PHLPP2: variants seen among roughly 807,000 people sequenced by gnomAD.
PHLPP2 encodes the protein PH domain and leucine rich repeat protein phosphatase 2, also known as PH domain leucine-rich repeat-containing protein phosphatase 2.
Under a neutral mutation model 124.9 loss-of-function variants are expected in PHLPP2, and 66 were observed. The observed-to-expected ratio is 0.53, with a 90% CI of 0.43 to 0.65. The LOEUF (loss-of-function observed/expected upper bound fraction) is 0.65, where lower values mean the gene tolerates loss of function less well. Among genes scored for constraint, PHLPP2 ranks in the 30% least tolerant of loss-of-function variants. PHLPP2 has a pLI of 0.00. For missense variants in PHLPP2, 1,685 were observed against 1,600.4 expected (o/e 1.05, Z -0.90); for synonymous variants, 681 against 624.7 (o/e 1.09, Z -1.34).
chr16:71,652,463 T>C (rs368128546), intron 18 of PHLPP2, among the ~76,000 whole-genome samples: 17 of 152,352 alleles, frequency 1.1e-4, no homozygotes, highest in Admixed American at 9.1e-4. Context: ...AGAGAACTCT[T>C]TCTTCTATTT....
intron 3 of PHLPP2, among the ~76,000 whole-genome samples, chr16:71,698,205 A>G (rs1272011858): frequency 2.0e-5 from 3 of 152,176 alleles, no homozygotes; most frequent in Admixed American, 6.5e-5. Flanking sequence ...AAGCCCTCAC[A>G]AGAGCAGGGC....
chr16:71,668,237 C>CCGTT (rs1483719793), intron 11 of PHLPP2, among the ~76,000 whole-genome samples: 1 of 151,264 alleles, frequency 6.6e-6, no homozygotes, highest in Non-Finnish European at 1.5e-5. Flanking sequence ...CGGTGAAACC[C>CCGTT]CGTTCTCTAC....
At chr16:71,657,746 CAG>C (rs1223185049) in intron 15 of PHLPP2, among the ~76,000 whole-genome samples, 1 of 152,076 alleles carries the variant, frequency 6.6e-6, no homozygotes, top group African/African-American at 2.4e-5. Context: ...GATTCATTTC[CAG>C]AGAGACTGAT....
At chr16:71,698,532 G>A (rs2045197002) in intron 3 of PHLPP2, 1 of 698,520 alleles carries the variant, frequency 1.4e-6, no homozygotes, top group Non-Finnish European at 2.6e-6. Context: ...ACTGGGGATA[G>A]CACAAAGTCA....
At chr16:71,709,582 T>C (rs2045310300) in intron 2 of PHLPP2, among the ~76,000 whole-genome samples, 1 of 152,246 alleles carries the variant, frequency 6.6e-6, no homozygotes, top group Non-Finnish European at 1.5e-5. Context: ...ACACTAAGCT[T>C]CACTAGTGAG....
At chr16:71,685,211 C>A (rs2045043654) in intron 4 of PHLPP2, among the ~76,000 whole-genome samples, 1 of 152,170 alleles carries the variant, frequency 6.6e-6, no homozygotes, top group Admixed American at 6.5e-5. Flanking sequence ...CCTGTAATCC[C>A]AGCTACTTGG....
At chr16:71,712,389 TCACA>T (rs2145380853) in intron 2 of PHLPP2, among the ~76,000 whole-genome samples, 1 of 152,338 alleles carries the variant, frequency 6.6e-6, no homozygotes, top group East Asian at 1.9e-4. Context: ...AAATAAACTA[TCACA>T]TTCGGATTCT....
intron 7 of PHLPP2, among the ~76,000 whole-genome samples, 182 bp from the exon 8 acceptor site, chr16:71,679,167 C>T (rs2145337125): frequency 6.6e-6 from 1 of 152,212 alleles, no homozygotes; most frequent in East Asian, 1.9e-4. Flanking sequence ...ACAAATGGTC[C>T]CTCCAACATT....
rs755742471 is a variant in PHLPP2, at chr16:71,649,179, T to C, written c.3683A>G (p.Lys1228Arg). Reference sequence around the variant, plus strand: ...ATAGAGGCAGGAGGTGGAGGGAGACTTCTGTAACTCCATCCTGTCCTTGCT... The same window carrying C: ...ATAGAGGCAGGAGGTGGAGGGAGACCTCTGTAACTCCATCCTGTCCTTGCT... The part of the protein sequence containing the change: ...PMSKDRMELQ[K>R]SPSTSCLYGK... Residue 1228 changes from lysine (K) to arginine (R), a missense_variant, in exon 19 of 19, where the codon AAG (lysine) becomes AGG (arginine). Physicochemically the swap from Lys to Arg is conservative, Grantham distance 26 (BLOSUM62 2). Coordinates refer to ENST00000568954, the MANE Select transcript of PHLPP2 (RefSeq NM_015020.3). 1 of 1,614,094 alleles carries C rather than the reference T, an allele frequency of 6.2e-7. No individual in the cohort carries two copies. Among genetic ancestry groups the C allele is most frequent in the Admixed American group, 1.7e-5 (1 of 60,016 alleles).
At chr16:71,671,774 C>T (rs889783549) in intron 10 of PHLPP2, among the ~76,000 whole-genome samples, 2 of 151,708 alleles carry the variant, frequency 1.3e-5, no homozygotes, top group Non-Finnish European at 2.9e-5. Flanking sequence ...ATTAGCCAGG[C>T]GTGGTGGTGG....
At position 71,690,533 on chromosome 16, in the gene PHLPP2, G is replaced by C. The variant is rs776662245; in HGVS notation, c.595C>G (p.Leu199Val). The C allele has an allele frequency of 1.2e-6, 2 of 1,605,582 alleles. No individual in the cohort carries two copies. The highest frequency in any genetic ancestry group is 1.7e-5 in the Admixed American group (1 of 58,548). The change falls in exon 4 of 19, where the codon CTG (leucine) becomes GTG (valine). Residue 199 changes from leucine (L) to valine (V), a missense_variant. Leu to Val is a conservative substitution (Grantham distance 32). Transcript: ENST00000568954. ...GTGAGTCTTACCTTTCCACCAACCAGAGGCAAAATGTGCATCTTTCCAGTT... is the reference window on the plus strand; with the variant it reads ...GTGAGTCTTACCTTTCCACCAACCACAGGCAAAATGTGCATCTTTCCAGTT... Reference protein sequence around the residue: ...CQTGKMHILPLVGGKIEEVKR... With the variant: ...CQTGKMHILPVVGGKIEEVKR...
Position 71,646,025 on chromosome 16 carries a change from G to C in PHLPP2, c.*2865C>G, listed in dbSNP as rs2044650768. 6 of 152,754 alleles carry C rather than the reference G, an allele frequency of 3.9e-5. No homozygotes were observed. In the South Asian group the frequency reaches 1.2e-3, roughly 32 times the overall value. 9.5% of individuals were successfully genotyped at this position (152,754 alleles called of 1,614,324 possible). A position where few individuals can be genotyped will look rare whatever the true frequency, so the allele number is the denominator to read the frequency against. On this transcript the variant is annotated 3_prime_UTR_variant, in exon 19 of 19. Transcript: ENST00000568954. The stretch of plus-strand genomic sequence containing the variant: ...CTCTACTCAATGGGAGGTACACACA[G>C]AGACCTGAGAATATGCAGAGGCCAG...
intron 4 of PHLPP2, among the ~76,000 whole-genome samples, chr16:71,687,945 T>TA (rs1273877166): frequency 6.6e-6 from 1 of 152,196 alleles, no homozygotes; most frequent in Non-Finnish European, 1.5e-5. Context: ...ATTCAGCTAC[T>TA]AAACAGTGGC....
At chr16:71,661,981 A>G (rs1283965665) in intron 13 of PHLPP2, among the ~76,000 whole-genome samples, 1 of 151,658 alleles carries the variant, frequency 6.6e-6, no homozygotes, top group African/African-American at 2.4e-5. Flanking sequence ...CCACCACCAC[A>G]CCTGGCTAAT....
rs572250314 is a variant in PHLPP2 at position 71,645,034 on chromosome 16, T to C, written c.*3856A>G. 7.3e-6 allele frequency: 2 copies of C among 275,078 alleles called. No homozygotes were observed. The highest frequency in any genetic ancestry group is 1.4e-5 in the Non-Finnish European group (2 of 139,836). The allele number at this position is 275,078 out of a possible 1,614,324, so 17.0% of individuals were successfully genotyped here. Reference sequence around the variant, plus strand: ...ACATGCTCTGGCTCATATTATTGAATTAAAAAATTTAACACATTTCAAAAA... The same window carrying C: ...ACATGCTCTGGCTCATATTATTGAACTAAAAAATTTAACACATTTCAAAAA... On this transcript the variant is annotated 3_prime_UTR_variant, in exon 19 of 19. Transcript: ENST00000568954.
chr16:71,703,998 AT>A (rs1193629887), intron 2 of PHLPP2, among the ~76,000 whole-genome samples: 3 of 152,226 alleles, frequency 2.0e-5, no homozygotes, highest in Non-Finnish European at 4.4e-5. Context: ...CTGAAAGAAC[AT>A]TTAAAGAACC....
intron 2 of PHLPP2, among the ~76,000 whole-genome samples, chr16:71,712,814 C>A (rs1256859889): frequency 6.6e-6 from 1 of 152,190 alleles, no homozygotes; most frequent in Non-Finnish European, 1.5e-5. Context: ...ATTATTACCA[C>A]ACTTTTAAGG....
chr16:71,723,380 G>A (rs115620559), intron 1 of PHLPP2: 3,660 of 152,456 alleles, frequency 0.024, 141 homozygotes, highest in African/African-American at 0.082. Context: ...CCGCTCCTGT[G>A]CCAGGAACCG....
intron 2 of PHLPP2, among the ~76,000 whole-genome samples, chr16:71,706,995 C>T (rs1439582036): frequency 1.5e-5 from 2 of 134,212 alleles, no homozygotes; most frequent in Admixed American, 1.6e-4. Context: ...TTGCTGTCGC[C>T]CAGGCTGGAG....
Sources: gnomAD v4.1 joint callset for allele counts (sites outside exome capture counted in the v4.1 genomes callset) on GRCh38, gnomAD v4.1.1 for gene constraint, MANE v1.5 for transcripts, NCBI Gene and HGNC (gene_info 2026-07-23, HGNC 2026-07-21) for gene names.